SPECC1: variants seen among roughly 807,000 people sequenced by gnomAD.
SPECC1 encodes sperm antigen with calponin homology and coiled-coil domains 1.
SPECC1 carries 62 observed loss-of-function variants against 104.1 expected under a neutral mutation model. That is an observed-to-expected ratio of 0.60 (90% CI 0.49 to 0.74). SPECC1 has a LOEUF of 0.74. Among genes scored for constraint, SPECC1 ranks in the 30% least tolerant of loss-of-function variants. SPECC1 has a pLI of 0.00. For missense variants in SPECC1, 1,306 were observed against 1,310.5 expected, an observed-to-expected ratio of 1.00 and a Z score of 0.05; for synonymous variants, 513 against 501.6, an observed-to-expected ratio of 1.02 and a Z score of -0.30.
Position 20,315,302 on chromosome 17 carries a change from A to G in SPECC1, c.*1237A>G. On this transcript the variant is annotated 3_prime_UTR_variant, in exon 15 of 15. Coordinates refer to ENST00000395527, the MANE Select transcript of SPECC1 (RefSeq NM_001243439.2). ...GGCACATTTATAACTAACAAAGAAG[A>G]ATGCAGTTGCCCCAGCATCCTACTG... 1 of 232,460 alleles carries G rather than the reference A, an allele frequency of 4.3e-6. No homozygotes were observed. Among genetic ancestry groups the G allele is most frequent in the East Asian group, 6.1e-5 (1 of 16,498 alleles). The allele number at this position is 232,460 out of a possible 1,614,324, so 14.4% of individuals were successfully genotyped here.
chr17:20,044,932 G>T (rs1419399115), intron 1 of SPECC1, among the ~76,000 whole-genome samples: 2 of 152,226 alleles, frequency 1.3e-5, no homozygotes, highest in African/African-American at 4.8e-5. Flanking sequence ...GTGCATGTGT[G>T]CTGTGTGTGT....
At chr17:20,285,067 C>T (rs2040896130) in intron 12 of SPECC1, among the ~76,000 whole-genome samples, 2 of 152,182 alleles carry the variant, frequency 1.3e-5, no homozygotes, top group Non-Finnish European at 2.9e-5. Flanking sequence ...GCACAGTACA[C>T]AATTCAGTGT....
intron 1 of SPECC1, among the ~76,000 whole-genome samples, chr17:20,029,817 G>A: frequency 6.6e-6 from 1 of 152,000 alleles, no homozygotes; most frequent in East Asian, 1.9e-4. Flanking sequence ...TAGTTAAAAG[G>A]TTTGTTAACT....
chr17:20,240,136 C>T (rs966283925), intron 7 of SPECC1, among the ~76,000 whole-genome samples: 1 of 121,870 alleles, frequency 8.2e-6, no homozygotes, highest in Non-Finnish European at 1.6e-5. Context: ...AGACTGGTAT[C>T]GAACTCCTGG....
intron 7 of SPECC1, among the ~76,000 whole-genome samples, chr17:20,243,998 T>C (rs2039314696): frequency 1.3e-5 from 2 of 151,968 alleles, no homozygotes; most frequent in South Asian, 4.2e-4. Context: ...AGGCAGATTG[T>C]CTGAGCTCAG....
intron 3 of SPECC1, among the ~76,000 whole-genome samples, chr17:20,178,303 T>A (rs1042441145): frequency 6.6e-6 from 1 of 152,192 alleles, no homozygotes; most frequent in African/African-American, 2.4e-5. Flanking sequence ...CAGGTAGAAA[T>A]GTTCCCGTGT....
chr17:20,100,414 A>G (rs78255220), intron 2 of SPECC1, among the ~76,000 whole-genome samples: 269 of 152,280 alleles, frequency 1.8e-3, no homozygotes, highest in Middle Eastern at 3.4e-3. Context: ...TTCCCTCCCA[A>G]TATTTTACTG....
chr17:20,090,811 G>T (rs1278089577), intron 1 of SPECC1, among the ~76,000 whole-genome samples: 1 of 152,274 alleles, frequency 6.6e-6, no homozygotes, highest in East Asian at 1.9e-4. Context: ...CAATATAGCT[G>T]CCAGATTATA....
At chr17:20,232,178 G>A in intron 6 of SPECC1, 22 bp from the exon 7 acceptor site, 1 of 1,613,384 alleles carries the variant, frequency 6.2e-7, no homozygotes, top group Non-Finnish European at 8.5e-7. Flanking sequence ...TCTGACATAA[G>A]GATGGGCTCT....
At chr17:20,223,189 G>A (rs1184008335) in intron 4 of SPECC1, among the ~76,000 whole-genome samples, 1 of 151,348 alleles carries the variant, frequency 6.6e-6, no homozygotes, top group African/African-American at 2.4e-5. Context: ...GCTTTTTTTA[G>A]ACTGTTTTGT....
chr17:20,275,001 C>CACTAAATAG lies in SPECC1; in HGVS notation c.2940+14708_2940+14709insCTAAATAGA, dbSNP rs561208043. Among the ~76,000 whole-genome samples, 219 of 151,002 alleles carry CACTAAATAG rather than the reference C, an allele frequency of 1.5e-3. 1 individual carries two copies. Among genetic ancestry groups the CACTAAATAG allele is most frequent in the African/African-American group, 5.3e-3 (214 of 40,622 alleles). On this transcript the variant is annotated intron_variant, in intron 12 of 14. Transcript: ENST00000395527. ...TATTGTTTTGTGATAAATACTCTATCAACTAAAGGAAGCTTGCATCTGTTT... is the reference window on the plus strand; with the variant it reads ...TATTGTTTTGTGATAAATACTCTATCACTAAATAGAACTAAAGGAAGCTTGCATCTGTTT...
intron 13 of SPECC1, among the ~76,000 whole-genome samples, chr17:20,304,503 C>A (rs1176299676): frequency 6.6e-6 from 1 of 152,124 alleles, no homozygotes; most frequent in Non-Finnish European, 1.5e-5. Flanking sequence ...AAAGAAGCCA[C>A]ACACTAGGGC....
intron 2 of SPECC1, among the ~76,000 whole-genome samples, chr17:20,100,443 C>T (rs1041008226): frequency 5.3e-5 from 8 of 152,090 alleles, no homozygotes; most frequent in Non-Finnish European, 7.4e-5. Context: ...TGTAAGCACA[C>T]GGGGAGGTTC....
At chr17:20,061,500 A>G (rs1259449738) in intron 1 of SPECC1, among the ~76,000 whole-genome samples, 1 of 152,244 alleles carries the variant, frequency 6.6e-6, no homozygotes, top group Admixed American at 6.5e-5. Context: ...GGACCATGGT[A>G]GAGGCCAGTC....
chr17:20,292,240 C>CTTTTTTTTTT (rs2041192518), intron 12 of SPECC1, among the ~76,000 whole-genome samples: 1 of 152,080 alleles, frequency 6.6e-6, no homozygotes, highest in African/African-American at 2.4e-5. Flanking sequence ...TTGTTTTCAC[C>CTTTTTTTTTT]TTCCCAGGGT....
intron 3 of SPECC1, among the ~76,000 whole-genome samples, chr17:20,191,053 G>T (rs1567920224): frequency 6.6e-6 from 1 of 152,246 alleles, no homozygotes; most frequent in East Asian, 1.9e-4. Context: ...TTCAGTTAAG[G>T]TTCCTCCATG....
chr17:20,043,858 T>C (rs1464626788), intron 1 of SPECC1, among the ~76,000 whole-genome samples: 1 of 152,352 alleles, frequency 6.6e-6, no homozygotes, highest in East Asian at 1.9e-4. Context: ...TACTGTATTC[T>C]TGGTGACTTA....
chr17:20,237,184 A>G, intron 7 of SPECC1: 1 of 1,309,624 alleles, frequency 7.6e-7, no homozygotes, highest in Non-Finnish European at 9.8e-7. Context: ...AACAAAGTAC[A>G]AGTCTTATGA....
chr17:20,277,756 G>A (rs762703676), intron 12 of SPECC1, among the ~76,000 whole-genome samples: 14 of 152,068 alleles, frequency 9.2e-5, no homozygotes, highest in Non-Finnish European at 1.6e-4. Context: ...CGCCCTCAGC[G>A]CCTAACCACC....
Sources: allele counts gnomAD v4.1 joint callset (sites outside exome capture counted in the v4.1 genomes callset), GRCh38; gene constraint gnomAD v4.1.1; transcripts MANE v1.5; gene names NCBI Gene and HGNC (gene_info 2026-07-23, HGNC 2026-07-21).